STARD13: variants seen among roughly 807,000 people sequenced by gnomAD.
The protein encoded by STARD13 is StAR related lipid transfer domain containing 13, also known as stAR-related lipid transfer protein 13.
Under a neutral mutation model 106.4 loss-of-function variants are expected in STARD13, and 62 were observed. The observed-to-expected ratio is 0.58, with a 90% CI of 0.48 to 0.72. The LOEUF (loss-of-function observed/expected upper bound fraction) is 0.72. Among genes scored for constraint, STARD13 ranks in the 30% least tolerant of loss-of-function variants. The probability of loss-of-function intolerance (pLI) is 0.00; values close to 1 mark genes in which losing one functional copy is unlikely to be tolerated. For synonymous variants in STARD13, 565 were observed against 553.0 expected, an observed-to-expected ratio of 1.02 and a Z score of -0.31; for missense variants, 1,387 against 1,424.0, an observed-to-expected ratio of 0.97 and a Z score of 0.42.
At chr13:33,620,866 A>T in the STARD13 span, among the ~76,000 whole-genome samples, 3 of 151,528 alleles carry the variant, frequency 2.0e-5, no homozygotes, top group Non-Finnish European at 4.4e-5. Context: ...TTAAAAACAC[A>T]TTATATAAAC....
At chr13:33,498,918 A>C in the STARD13 span, among the ~76,000 whole-genome samples, 3 of 152,184 alleles carry the variant, frequency 2.0e-5, no homozygotes, top group African/African-American at 7.2e-5. Flanking sequence ...CAGGCAGATC[A>C]CCTGAGGTCA....
chr13:33,263,733 G>A (rs903591611), intron 1 of STARD13, among the ~76,000 whole-genome samples: 5 of 152,176 alleles, frequency 3.3e-5, no homozygotes, highest in East Asian at 3.8e-4. Context: ...AAAGAACATC[G>A]CGTGATGATT....
chr13:33,393,725 C>T, the STARD13 span, among the ~76,000 whole-genome samples: 2 of 152,134 alleles, frequency 1.3e-5, no homozygotes, highest in Admixed American at 6.5e-5. Context: ...CATATAAATT[C>T]TCTTACTGGG....
the STARD13 span, among the ~76,000 whole-genome samples, chr13:33,510,609 C>T: frequency 6.6e-6 from 1 of 152,098 alleles, no homozygotes; most frequent in Non-Finnish European, 1.5e-5. Flanking sequence ...AAAAGCTCTC[C>T]CTGGGTCTTC....
intron 1 of STARD13, among the ~76,000 whole-genome samples, chr13:33,227,078 T>C (rs1332517925): frequency 2.0e-5 from 3 of 152,190 alleles, no homozygotes; most frequent in African/African-American, 7.2e-5. Flanking sequence ...CAAAGCAAAC[T>C]TCATTCCTAA....
At chr13:33,200,594 A>T (rs1476333875) in intron 1 of STARD13, among the ~76,000 whole-genome samples, 2 of 152,140 alleles carry the variant, frequency 1.3e-5, no homozygotes, top group South Asian at 2.1e-4. Flanking sequence ...CCATATATGT[A>T]TTATTGTGTT....
the STARD13 span, among the ~76,000 whole-genome samples, chr13:33,634,262 A>C: frequency 1.3e-5 from 2 of 152,234 alleles, no homozygotes; most frequent in Admixed American, 1.3e-4. Flanking sequence ...AAGACATGTC[A>C]GAACTCCTTT....
At chr13:33,532,214 T>C in the STARD13 span, among the ~76,000 whole-genome samples, 9 of 152,202 alleles carry the variant, frequency 5.9e-5, no homozygotes, top group Non-Finnish European at 5.9e-5. Context: ...ACAAAGTGCT[T>C]GGCACATACT....
chr13:33,141,262 C>T (rs1282637562), intron 4 of STARD13, among the ~76,000 whole-genome samples: 2 of 152,308 alleles, frequency 1.3e-5, no homozygotes, highest in East Asian at 3.9e-4. Context: ...TCAGACACCT[C>T]CGAGGTAGAA....
chr13:33,120,574 T>C (rs1876127933), intron 7 of STARD13, among the ~76,000 whole-genome samples: 1 of 152,154 alleles, frequency 6.6e-6, no homozygotes, highest in African/African-American at 2.4e-5. Context: ...GACGTATATA[T>C]ATATTTTGGT....
rs1311162881 is a variant in STARD13, at chr13:33,105,500, C to G, written c.*93G>C. ...TAGGCATTAACCGCGTCCTTCAGTT[C>G]CTCTTTCTCTCGCTTTCTCACATGC... On this transcript the variant is annotated 3_prime_UTR_variant, in exon 14 of 14. Transcript: ENST00000336934. The G allele has an allele frequency of 5.6e-6, 5 of 888,912 alleles. No individual in the cohort carries two copies. The highest frequency in any genetic ancestry group is 9.3e-6 in the Non-Finnish European group (5 of 539,914). The allele number at this position is 888,912 out of a possible 1,614,324, so 55.1% of individuals were successfully genotyped here.
At chr13:33,207,962 A>G (rs1887510541) in intron 1 of STARD13, among the ~76,000 whole-genome samples, 1 of 152,258 alleles carries the variant, frequency 6.6e-6, no homozygotes. Flanking sequence ...GACTAAATAT[A>G]TTGGGAAATT....
At chr13:33,639,478 A>G in the STARD13 span, among the ~76,000 whole-genome samples, 6 of 152,222 alleles carry the variant, frequency 3.9e-5, no homozygotes, top group African/African-American at 1.4e-4. Context: ...GAGAAAATAG[A>G]TATGTAAGTC....
chr13:33,542,477 A>G, the STARD13 span, among the ~76,000 whole-genome samples: 4 of 152,236 alleles, frequency 2.6e-5, no homozygotes, highest in East Asian at 1.9e-4. Flanking sequence ...TTGCCTGCCT[A>G]GCAAACGTGC....
chr13:33,604,489 T>C, the STARD13 span, among the ~76,000 whole-genome samples: 2 of 152,110 alleles, frequency 1.3e-5, no homozygotes, highest in African/African-American at 2.4e-5. Context: ...TAGAAAAGAA[T>C]AGAATAACTT....
intron 1 of STARD13, among the ~76,000 whole-genome samples, chr13:33,319,778 A>G (rs1312745623): frequency 6.6e-6 from 1 of 152,220 alleles, no homozygotes; most frequent in Non-Finnish European, 1.5e-5. Context: ...CTTTAGTTTC[A>G]TAGCTCAATA....
the STARD13 span, among the ~76,000 whole-genome samples, chr13:33,369,707 A>T: frequency 6.6e-6 from 1 of 152,196 alleles, no homozygotes; most frequent in Non-Finnish European, 1.5e-5. Context: ...TAAGTGCATT[A>T]CATATATTTT....
chr13:33,262,662 A>ACACACACACAACAC (rs5802678), intron 1 of STARD13, among the ~76,000 whole-genome samples: 2 of 114,900 alleles, frequency 1.7e-5, no homozygotes, highest in African/African-American at 6.6e-5. Context: ...ACACACACAC[A>ACACACACACAACAC]ACACACACAC....
intron 1 of STARD13, among the ~76,000 whole-genome samples, chr13:33,220,605 T>C (rs901262791): frequency 6.6e-6 from 1 of 152,152 alleles, no homozygotes; most frequent in Non-Finnish European, 1.5e-5. Flanking sequence ...GGCAGAAGAA[T>C]TGTTTGAACC....
Sources: allele counts gnomAD v4.1 joint callset (sites outside exome capture counted in the v4.1 genomes callset), GRCh38; gene constraint gnomAD v4.1.1; transcripts MANE v1.5; gene names NCBI Gene and HGNC (gene_info 2026-07-23, HGNC 2026-07-21).